Variants in ENOX1 observed in about 807,000 individuals in gnomAD.
The protein encoded by ENOX1 is candidate growth-related and time keeping constitutive hydroquinone (NADH) oxidase.
A neutral mutation model predicts 82.5 loss-of-function variants in ENOX1; 42 were observed. The ratio of observed to expected loss-of-function variants is 0.51; its 90% confidence interval spans 0.40 to 0.66. ENOX1 has a LOEUF of 0.66. Ranked by LOEUF, ENOX1 falls within the 30% of genes least tolerant of loss-of-function variation. The pLI is 0.00. For synonymous variants in ENOX1, 271 were observed against 282.2 expected, an observed-to-expected ratio of 0.96 and a Z score of 0.40; for missense variants, 608 against 811.6, an observed-to-expected ratio of 0.75 and a Z score of 3.05.
intron 1 of ENOX1, among the ~76,000 whole-genome samples, chr13:43,722,245 G>C (rs990354818): frequency 6.6e-6 from 1 of 152,190 alleles, no homozygotes; most frequent in Non-Finnish European, 1.5e-5. Context: ...CTAACTGGAA[G>C]GTGTCTGTAG....
intron 2 of ENOX1, among the ~76,000 whole-genome samples, chr13:43,489,767 C>T (rs1442275781): frequency 6.6e-6 from 1 of 152,170 alleles, no homozygotes; most frequent in Non-Finnish European, 1.5e-5. Flanking sequence ...GGAGACCCAA[C>T]CCAGCTGAGT....
intron 3 of ENOX1, among the ~76,000 whole-genome samples, chr13:43,442,335 C>T (rs1325397733): frequency 6.6e-6 from 1 of 152,196 alleles, no homozygotes; most frequent in African/African-American, 2.4e-5. Flanking sequence ...ACTAGGCTTT[C>T]CATATGGCAT....
intron 2 of ENOX1, among the ~76,000 whole-genome samples, chr13:43,494,242 T>C (rs1433863557): frequency 2.6e-5 from 4 of 152,130 alleles, no homozygotes; most frequent in African/African-American, 9.7e-5. Context: ...AATTAACTAA[T>C]ACGAAGACCC....
intron 2 of ENOX1, among the ~76,000 whole-genome samples, chr13:43,614,155 A>G (rs2082310387): frequency 6.6e-6 from 1 of 152,156 alleles, no homozygotes; most frequent in African/African-American, 2.4e-5. Flanking sequence ...AACAGTCCTC[A>G]CCCATCAGGA....
intron 12 of ENOX1, among the ~76,000 whole-genome samples, chr13:43,289,785 G>GACAACCT (rs1396633265): frequency 1.3e-5 from 2 of 152,112 alleles, no homozygotes; most frequent in Admixed American, 6.6e-5. Flanking sequence ...AGAGTAAACA[G>GACAACCT]ACAACCTACA....
intron 15 of ENOX1, among the ~76,000 whole-genome samples, chr13:43,231,740 C>G (rs1386261305): frequency 6.6e-6 from 1 of 152,164 alleles, no homozygotes; most frequent in African/African-American, 2.4e-5. Flanking sequence ...TACTACGAAC[C>G]ACAGTTCATT....
intron 11 of ENOX1, among the ~76,000 whole-genome samples, chr13:43,321,909 C>T (rs1046833224): frequency 6.6e-6 from 1 of 152,226 alleles, no homozygotes; most frequent in African/African-American, 2.4e-5. Flanking sequence ...AGTGACACCC[C>T]TAGCTTGGTA....
At chr13:43,302,728 T>C (rs1454130618) in intron 11 of ENOX1, among the ~76,000 whole-genome samples, 1 of 152,210 alleles carries the variant, frequency 6.6e-6, no homozygotes, top group Non-Finnish European at 1.5e-5. Flanking sequence ...AGTGACCTCC[T>C]CTTCTGTCTC....
At chr13:43,365,936 A>G (rs1343846041) in intron 5 of ENOX1, among the ~76,000 whole-genome samples, 4 of 152,212 alleles carry the variant, frequency 2.6e-5, no homozygotes, top group East Asian at 1.9e-4. Flanking sequence ...TCTAACAAAC[A>G]TGCAATTGTG....
chr13:43,445,125 G>GT (rs71808213), intron 3 of ENOX1, among the ~76,000 whole-genome samples: 73,603 of 137,788 alleles, frequency 0.53, 23,515 homozygotes, highest in Non-Finnish European at 0.73. Flanking sequence ...TTCTTTCTGG[G>GT]TTTTTTTTTT....
intron 9 of ENOX1, among the ~76,000 whole-genome samples, chr13:43,340,166 T>C (rs1333742528): frequency 1.3e-5 from 2 of 152,376 alleles, no homozygotes; most frequent in East Asian, 3.9e-4. Flanking sequence ...TGCTAATAGT[T>C]TCACAGACTG....
intron 2 of ENOX1, among the ~76,000 whole-genome samples, chr13:43,576,700 C>T (rs891231046): frequency 6.6e-6 from 1 of 152,136 alleles, no homozygotes; most frequent in Admixed American, 6.5e-5. Flanking sequence ...ACTAGTCTAT[C>T]GTAATTGTAA....
intron 11 of ENOX1, among the ~76,000 whole-genome samples, chr13:43,319,360 T>C (rs1041984370): frequency 2.0e-5 from 3 of 152,204 alleles, no homozygotes; most frequent in Non-Finnish European, 2.9e-5. Flanking sequence ...TGCAGAATTA[T>C]AGCCAAAGAC....
chr13:43,439,942 A>G (rs958953160), intron 3 of ENOX1, among the ~76,000 whole-genome samples: 1 of 152,260 alleles, frequency 6.6e-6, no homozygotes, highest in African/African-American at 2.4e-5. Context: ...AAATGGTTTC[A>G]GAAATAATCA....
At chr13:43,779,938 C>T (rs534687298) in intron 1 of ENOX1, among the ~76,000 whole-genome samples, 6 of 152,090 alleles carry the variant, frequency 3.9e-5, no homozygotes, top group East Asian at 1.9e-4. Context: ...GGGCAGATCA[C>T]GAAGTCAGGA....
intron 2 of ENOX1, among the ~76,000 whole-genome samples, chr13:43,663,621 C>A (rs2153786861): frequency 6.6e-6 from 1 of 152,216 alleles, no homozygotes; most frequent in East Asian, 1.9e-4. Context: ...TTATAATATA[C>A]TTGATACTAT....
In ENOX1 at chr13:43,298,484, G is replaced by A. The variant is rs746764315; in HGVS notation, c.1308C>T (p.Leu436=). 6.9e-5 allele frequency: 111 copies of A among 1,613,844 alleles called. No homozygotes were observed. The highest frequency in any genetic ancestry group is 9.0e-5 in the Non-Finnish European group (106 of 1,179,998). The change falls in exon 12 of 17, where the codon CTC becomes CTT. Residue 436 remains leucine (L), a synonymous_variant. Coordinates refer to ENST00000690772, the MANE Select transcript of ENOX1 (RefSeq NM_001347969.2). ...TCCTGTAGGCATCCAGCTGCCAGCG[G>A]AGACTGTCATTCTCCTCTTTCAGAG... The part of the protein sequence containing the change: ...AYALKEENDS[L]RWQLDAYRNE...
At chr13:43,521,254 A>G (rs568925474) in intron 2 of ENOX1, among the ~76,000 whole-genome samples, 1 of 152,298 alleles carries the variant, frequency 6.6e-6, no homozygotes, top group Admixed American at 6.5e-5. Context: ...AAAAACACCA[A>G]TCAATAAACT....
chr13:43,608,145 T>G (rs1476125191), intron 2 of ENOX1, among the ~76,000 whole-genome samples: 1 of 152,200 alleles, frequency 6.6e-6, no homozygotes, highest in Admixed American at 6.5e-5. Flanking sequence ...ATTGACTCCT[T>G]AATTCAATAA....
Sources: gnomAD v4.1 joint callset for allele counts (sites outside exome capture counted in the v4.1 genomes callset) on GRCh38, gnomAD v4.1.1 for gene constraint, MANE v1.5 for transcripts, NCBI Gene and HGNC (gene_info 2026-07-23, HGNC 2026-07-21) for gene names.